The following SH3PXD2B variants were observed in gnomAD, a reference collection of about 807,000 sequenced individuals.
SH3PXD2B encodes the protein SH3 and PX domains 2B.
SH3PXD2B carries 37 observed loss-of-function variants against 73.1 expected under a neutral mutation model. That is an observed-to-expected ratio of 0.51 (90% CI 0.39 to 0.67). The LOEUF (loss-of-function observed/expected upper bound fraction) is 0.67. SH3PXD2B is among the 30% of genes least tolerant of loss of function. The pLI, the probability that SH3PXD2B is intolerant of heterozygous loss-of-function variation, is 0.00. For missense variants in SH3PXD2B, 1,053 were observed against 1,197.8 expected (o/e 0.88, Z 1.78); for synonymous variants, 457 against 480.5 (o/e 0.95, Z 0.64).
At position 172,421,318 on chromosome 5, in the gene SH3PXD2B, A is replaced by T. The variant is rs1000925154; in HGVS notation, c.156+1098T>A. Among the ~76,000 whole-genome samples, 14 of 152,172 alleles carry T rather than the reference A, an allele frequency of 9.2e-5. No homozygotes were observed. Among genetic ancestry groups the T allele is most frequent in the Non-Finnish European group, 1.6e-4 (11 of 68,036 alleles). ...CCACTGGTTAGACTTGTTTTACCCT[A>T]ATGGGGATGTGCTTATACCGAGCTG... On this transcript the variant is annotated intron_variant, in intron 2 of 12. Transcript: ENST00000311601. The surrounding 1 kb of genome is among the most constrained non-coding windows in gnomAD (Gnocchi z 4.0).
intron 5 of SH3PXD2B, 36 bp downstream of exon 5, chr5:172,382,000 G>A (rs1757957255): frequency 2.6e-6 from 4 of 1,532,280 alleles, no homozygotes; most frequent in Admixed American, 1.8e-5. Context: ...GGAGGGCTGT[G>A]GGGCTCCATC....
At position 172,373,795 on chromosome 5, in the gene SH3PXD2B, T is replaced by C; in HGVS notation, c.422A>G (p.Lys141Arg). ...PPKEEHIGKK[K>R]SGGDQTSVDP... is the part of the protein sequence containing the mutation. Reference sequence around the variant, plus strand: ...AAAATAGAAAATATTCTTACCAGATTTCTTTTTCCCAATGTGCTCCCTGTA... The same window carrying C: ...AAAATAGAAAATATTCTTACCAGATCTCTTTTTCCCAATGTGCTCCCTGTA... The change falls in exon 6 of 13, where the codon AAA becomes AGA. Residue 141 changes from lysine to arginine, a missense_variant. This residue lies in a region of SH3PXD2B where 466 missense variants were observed against 607.1 expected (regional missense o/e 0.77). Coordinates refer to ENST00000311601, the MANE Select transcript of SH3PXD2B (RefSeq NM_001017995.3). 1 of 1,613,980 alleles carries C rather than the reference T, an allele frequency of 6.2e-7. No individual in the cohort carries two copies. Among genetic ancestry groups the C allele is most frequent in the Non-Finnish European group, 8.5e-7 (1 of 1,179,946 alleles).
In SH3PXD2B at chr5:172,376,975, A is replaced by G. The variant is rs143140125; in HGVS notation, c.402-3160T>C. Among the ~76,000 whole-genome samples the G allele has an allele frequency of 2.6e-4, 39 of 152,190 alleles. No individual in the cohort carries two copies. The East Asian group carries it at 6.4e-3, about 25-fold the overall frequency. On this transcript the variant is annotated intron_variant, in intron 5 of 12. Transcript: ENST00000311601. The stretch of plus-strand genomic sequence containing the variant: ...CTTGGCTGCTGCATCAAGACACACT[A>G]ACGAAGGTTCCACCAGGCTGCTTCT...
rs3053146 is a variant in SH3PXD2B, at chr5:172,327,752, GTTTTTT to G, written c.1189-2378_1189-2373del. Among the ~76,000 whole-genome samples, 282 of 142,338 alleles carry G rather than the reference GTTTTTT, an allele frequency of 2.0e-3. 3 individuals are homozygous for G. The highest frequency in any genetic ancestry group is 3.3e-3 in the Admixed American group (48 of 14,378). The allele number at this position is 142,338 out of a possible 152,430, so 93.4% of individuals were successfully genotyped here. On this transcript the variant is annotated intron_variant, in intron 12 of 12. Transcript: ENST00000519643. ...TACGGGTGCATACCACTGCAACTGGGTTTTTTTTTTTTTTTTTTTTGAGATGGAGTC... is the reference window on the plus strand; with the variant it reads ...TACGGGTGCATACCACTGCAACTGGGTTTTTTTTTTTTTTGAGATGGAGTC...
chr5:172,357,044 AG>A (rs1757293108), intron 8 of SH3PXD2B, among the ~76,000 whole-genome samples: 1 of 146,368 alleles, frequency 6.8e-6, no homozygotes, highest in Non-Finnish European at 1.5e-5. Flanking sequence ...ACTTGAGCCC[AG>A]GAATTCAAGG....
Position 172,339,860 on chromosome 5 carries a change from C to T in SH3PXD2B, c.1245G>A (p.Gly415=), listed in dbSNP as rs202202743. 5.1e-4 allele frequency: 818 copies of T among 1,614,244 alleles called. 8 individuals carry two copies. The highest frequency in any genetic ancestry group is 3.3e-5 in the Non-Finnish European group (39 of 1,180,050). Residue 415 remains glycine, a synonymous_variant, in exon 13 of 13, where the codon GGG becomes GGA. Transcript: ENST00000311601. The surrounding 1 kb of genome is among the most constrained non-coding windows in gnomAD (Gnocchi z 6.1). ...TGTCAATGAAGGTGGCCGGGGCCCA[C>T]CCTTCCTTATCTTCAATCTGAATGT... ...WWYIQIEDKE[G]WAPATFIDKY...
chr5:172,345,706 G>T (rs1355357769), intron 12 of SH3PXD2B, among the ~76,000 whole-genome samples: 1 of 152,206 alleles, frequency 6.6e-6, no homozygotes, highest in African/African-American at 2.4e-5. Context: ...GAAAAGGAGA[G>T]AGGAGAAGCA....
At chr5:172,424,324 G>C (rs1343466262) in intron 1 of SH3PXD2B, among the ~76,000 whole-genome samples, 1 of 152,206 alleles carries the variant, frequency 6.6e-6, no homozygotes, top group Non-Finnish European at 1.5e-5. Context: ...TGGTCATGTA[G>C]GATTTAGACA....
In SH3PXD2B at chr5:172,346,123, C is replaced by T. The variant is rs141265263; in HGVS notation, c.1188+13G>A. 188 of 1,613,978 alleles carry T rather than the reference C, an allele frequency of 1.2e-4. No homozygotes were observed. In the East Asian group the frequency reaches 4.1e-3, roughly 36 times the overall value. ...GAATCACAAGTAGGCAAAGGAACAC[C>T]AGGGCCACTCACCTCGACCTTCAGG... On this transcript the variant is annotated intron_variant, in intron 12 of 12. Transcript: ENST00000311601.
intron 8 of SH3PXD2B, among the ~76,000 whole-genome samples, chr5:172,355,833 C>T (rs10053284): frequency 0.013 from 1,992 of 152,212 alleles, 37 homozygotes; most frequent in African/African-American, 0.045. Context: ...TGTGAGCCAG[C>T]GCGCCCAGCC....
At chr5:172,333,187 G>A (rs759407277), downstream of SH3PXD2B, among the ~76,000 whole-genome samples, 40 of 151,882 alleles carry the variant, frequency 2.6e-4, no homozygotes, top group Non-Finnish European at 2.9e-4. Flanking sequence ...GGCCCGCCTC[G>A]GCCTCCCAAA....
chr5:172,329,540 C>CTTTTTTT (rs370876232), downstream of SH3PXD2B, among the ~76,000 whole-genome samples: 49,395 of 105,314 alleles, frequency 0.47, 14,401 homozygotes, highest in South Asian at 0.75. Flanking sequence ...CTTTGTTATT[C>CTTTTTTT]TTTTTTTTTT....
In SH3PXD2B at chr5:172,338,439, C is replaced by T. The variant is rs754425694; in HGVS notation, c.2666G>A (p.Cys889Tyr). 6.2e-7 allele frequency: 1 copy of T among 1,614,222 alleles called. No homozygotes were observed. Among genetic ancestry groups the T allele is most frequent in the East Asian group, 2.2e-5 (1 of 44,884 alleles). The change falls in exon 13 of 13, where the codon TGC (cysteine) becomes TAC (tyrosine). Residue 889 changes from cysteine (C) to tyrosine (Y), a missense_variant. By Grantham distance (194) the Cys-to-Tyr change is radical. This residue lies in a region of SH3PXD2B where 587 missense variants were observed against 590.7 expected (regional missense o/e 0.99). Transcript: ENST00000311601. The surrounding 1 kb of genome is among the most constrained non-coding windows in gnomAD (Gnocchi z 5.1). Reference sequence around the variant, plus strand: ...GGAAGGGGCTCCGCTCAGGACCTGGCAGAACCACCAGCCACTGCTGTTCTT... The same window carrying T: ...GGAAGGGGCTCCGCTCAGGACCTGGTAGAACCACCAGCCACTGCTGTTCTT... Reference protein sequence around the residue: ...REKNSSGWWFCQVLSGAPSWE... With the variant: ...REKNSSGWWFYQVLSGAPSWE...
chr5:172,336,687 G>C lies in SH3PXD2B; in HGVS notation c.*1682C>G. On this transcript the variant is annotated 3_prime_UTR_variant, in exon 13 of 13. Transcript: ENST00000311601. The stretch of plus-strand genomic sequence containing the variant: ...CTGTGAACTGGAGATCTCTGGGGCA[G>C]GGCAGGGTGGGGAGGGGCGGGGCAG... 2 of 984,908 alleles carry C rather than the reference G, an allele frequency of 2.0e-6. No individual in the cohort carries two copies. The highest frequency in any genetic ancestry group is 2.4e-6 in the Non-Finnish European group (2 of 829,362). 61.0% of individuals were successfully genotyped at this position (984,908 alleles called of 1,614,324 possible).
intron 1 of SH3PXD2B, among the ~76,000 whole-genome samples, chr5:172,437,290 A>G (rs1315529341): frequency 6.6e-6 from 1 of 152,088 alleles, no homozygotes; most frequent in East Asian, 1.9e-4. Flanking sequence ...TGATCTGTTG[A>G]CTGTCCCCAG....
At position 172,350,664 on chromosome 5, in the gene SH3PXD2B, T is replaced by TCA. The variant is rs1757143906; in HGVS notation, c.786-77_786-76dup. 5 of 1,442,086 alleles carry TCA rather than the reference T, an allele frequency of 3.5e-6. No individual in the cohort carries two copies. In the Admixed American group the frequency reaches 9.9e-5, roughly 28 times the overall value. The allele number at this position is 1,442,086 out of a possible 1,614,324, so 89.3% of individuals were successfully genotyped here. The stretch of plus-strand genomic sequence containing the variant: ...GAAGAAGCCTTGCTCCTACTGGGAA[T>TCA]CACATGACAGGTCCCAGGGAGCAGG... On this transcript the variant is annotated intron_variant, in intron 9 of 12. Transcript: ENST00000311601.
chr5:172,377,450 G>C (rs1169748531), intron 5 of SH3PXD2B, among the ~76,000 whole-genome samples: 1 of 152,136 alleles, frequency 6.6e-6, no homozygotes, highest in Non-Finnish European at 1.5e-5. Flanking sequence ...TGGGCCCTTG[G>C]CAACCACCTT....
chr5:172,431,315 C>T (rs1247536928), intron 1 of SH3PXD2B, among the ~76,000 whole-genome samples: 1 of 152,242 alleles, frequency 6.6e-6, no homozygotes, highest in Non-Finnish European at 1.5e-5. Flanking sequence ...AGAAGAGCTG[C>T]AACCCGGAGC....
intron 10 of SH3PXD2B, among the ~76,000 whole-genome samples, chr5:172,348,654 C>CCTAT (rs55939833): frequency 0.027 from 1,602 of 60,334 alleles, 17 homozygotes; most frequent in East Asian, 0.073. Context: ...ATCTATCTAT[C>CCTAT]CTATCTATCT....
Sources: gnomAD v4.1 joint callset for allele counts (sites outside exome capture counted in the v4.1 genomes callset) on GRCh38, gnomAD v4.1.1 for gene constraint, gnomAD v4.1.1 regional missense constraint, Gnocchi (gnomAD v3.1) non-coding constraint, MANE v1.5 for transcripts, NCBI Gene and HGNC (gene_info 2026-07-23, HGNC 2026-07-21) for gene names.